DPYSL2: variants seen among roughly 807,000 people sequenced by gnomAD.
DPYSL2 encodes the protein dihydropyrimidinase like 2, also known as dihydropyrimidinase-related protein 2.
Under a neutral mutation model 69.9 loss-of-function variants are expected in DPYSL2, and 13 were observed. The observed-to-expected ratio is 0.19, with a 90% CI of 0.12 to 0.30. The LOEUF is 0.30. Ranked by LOEUF, DPYSL2 falls within the 10% of genes least tolerant of loss-of-function variation. DPYSL2 has a pLI of 1.00. For synonymous variants in DPYSL2, 326 were observed against 359.1 expected (o/e 0.91, Z 1.04); for missense variants, 587 against 918.9 (o/e 0.64, Z 4.67).
At chr8:26,634,449 TAATTGTA>T (rs1802852558) in intron 7 of DPYSL2, among the ~76,000 whole-genome samples, 7 of 145,988 alleles carry the variant, frequency 4.8e-5, no homozygotes, top group African/African-American at 1.0e-4. Flanking sequence ...TTTTTTTTTT[TAATTGTA>T]TTTGTAGTAG....
At chr8:26,561,750 A>G (rs1157729629) in intron 1 of DPYSL2, among the ~76,000 whole-genome samples, 1 of 152,168 alleles carries the variant, frequency 6.6e-6, no homozygotes, top group Non-Finnish European at 1.5e-5. Context: ...CGTAAAGAGC[A>G]TGCAACCTAT....
chr8:26,568,745 T>C (rs1801191525), intron 1 of DPYSL2, among the ~76,000 whole-genome samples: 1 of 94,644 alleles, frequency 1.1e-5, no homozygotes, highest in Non-Finnish European at 1.9e-5. Context: ...TCAGAGTTCA[T>C]AGTTACCCCT....
At chr8:26,625,993 A>G (rs1342282454) in intron 4 of DPYSL2, among the ~76,000 whole-genome samples, 3 of 152,120 alleles carry the variant, frequency 2.0e-5, no homozygotes, top group African/African-American at 7.2e-5. Flanking sequence ...CTAACTCTCC[A>G]CTGTCCTTCA....
intron 3 of DPYSL2, among the ~76,000 whole-genome samples, chr8:26,618,830 C>T (rs901836510): frequency 9.3e-5 from 14 of 151,086 alleles, no homozygotes; most frequent in Admixed American, 2.0e-4. Flanking sequence ...TGATGGCGCG[C>T]GCCTGTGATC....
chr8:26,631,769 G>C (rs972191883), intron 7 of DPYSL2, among the ~76,000 whole-genome samples: 12 of 152,064 alleles, frequency 7.9e-5, no homozygotes, highest in African/African-American at 2.7e-4. Flanking sequence ...AGGCGAGGAG[G>C]GGGGATGCAG....
chr8:26,612,230 C>A (rs1327019855), intron 3 of DPYSL2, among the ~76,000 whole-genome samples: 1 of 152,144 alleles, frequency 6.6e-6, no homozygotes, highest in Non-Finnish European at 1.5e-5. Flanking sequence ...GGGGTGACAT[C>A]CTGATGCATT....
At position 26,591,645 on chromosome 8, in the gene DPYSL2, TG is replaced by T. The variant is rs1429093564; in HGVS notation, c.628+7664del. The stretch of plus-strand genomic sequence containing the variant: ...ACCCTTTCTCATGTGAAACCTTGCG[TG>T]GAACCCCCTCCACCTGAGATATGAG... On this transcript the variant is annotated intron_variant, in intron 3 of 13. Coordinates refer to ENST00000521913, the MANE Select transcript of DPYSL2 (RefSeq NM_001197293.3). This position sits in a 1 kb window ranked among gnomAD's most constrained non-coding sequence, Gnocchi z 5.8. Among the ~76,000 whole-genome samples, 1 of 152,162 alleles carries T rather than the reference TG, an allele frequency of 6.6e-6. No homozygotes were observed. The highest frequency in any genetic ancestry group is 1.5e-5 in the Non-Finnish European group (1 of 68,014).
chr8:26,626,565 G>A lies in DPYSL2; in HGVS notation c.794-52G>A, dbSNP rs370029882. 36 of 1,530,998 alleles carry A rather than the reference G, an allele frequency of 2.4e-5. No individual in the cohort carries two copies. The highest frequency in any genetic ancestry group is 2.3e-5 in the East Asian group (1 of 44,376). 94.8% of individuals were successfully genotyped at this position (1,530,998 alleles called of 1,614,324 possible). Reference sequence around the variant, plus strand: ...ATTATCACTTTCTTATCCCTTATTTGGTTATTTGGTTTATCTATTAAAAGT... The same window carrying A: ...ATTATCACTTTCTTATCCCTTATTTAGTTATTTGGTTTATCTATTAAAAGT... On this transcript the variant is annotated intron_variant, in intron 4 of 13. Transcript: ENST00000521913. The surrounding 1 kb of genome is among the most constrained non-coding windows in gnomAD (Gnocchi z 4.3).
intron 1 of DPYSL2, among the ~76,000 whole-genome samples, chr8:26,573,658 G>C (rs1452096311): frequency 3.7e-4 from 34 of 91,328 alleles, no homozygotes; most frequent in Non-Finnish European, 6.7e-4. Context: ...AACAGAGCAA[G>C]ACTGTCTCAA....
intron 1 of DPYSL2, among the ~76,000 whole-genome samples, chr8:26,569,248 T>A (rs371543636): frequency 6.6e-6 from 1 of 150,454 alleles, no homozygotes; most frequent in African/African-American, 2.4e-5. Context: ...GTCCCAGTTA[T>A]GTGGGAGGCT....
chr8:26,593,894 T>C lies in DPYSL2; in HGVS notation c.628+9911T>C, dbSNP rs960703413. Among the ~76,000 whole-genome samples, 4 of 152,200 alleles carry C rather than the reference T, an allele frequency of 2.6e-5. No individual in the cohort carries two copies. The highest frequency in any genetic ancestry group is 9.7e-5 in the African/African-American group (4 of 41,450). On this transcript the variant is annotated intron_variant, in intron 3 of 13. Transcript: ENST00000521913. This position sits in a 1 kb window ranked among gnomAD's most constrained non-coding sequence, Gnocchi z 5.7. ...CTAATGATAGGTCAGGACTGGAATCTTTCCTTGTGGGGAGCCTGTGAGACA... is the reference window on the plus strand; with the variant it reads ...CTAATGATAGGTCAGGACTGGAATCCTTCCTTGTGGGGAGCCTGTGAGACA...
intron 1 of DPYSL2, among the ~76,000 whole-genome samples, chr8:26,532,011 T>G (rs1800517377): frequency 6.6e-6 from 1 of 152,100 alleles, no homozygotes; most frequent in Non-Finnish European, 1.5e-5. Flanking sequence ...TTGTGCCTTT[T>G]GAAGGTCTTT....
At chr8:26,577,966 C>T (rs1801395488) in intron 1 of DPYSL2, 6 of 1,286,854 alleles carry the variant, frequency 4.7e-6, no homozygotes, top group African/African-American at 4.6e-5. Context: ...TTATTTCCAC[C>T]CCCTTCCCTC....
rs1300310943 is a variant in DPYSL2, at chr8:26,598,191, AT to A, written c.628+14210del. Among the ~76,000 whole-genome samples, 1 of 152,082 alleles carries A rather than the reference AT, an allele frequency of 6.6e-6. No individual in the cohort carries two copies. Among genetic ancestry groups the A allele is most frequent in the African/African-American group, 2.4e-5 (1 of 41,404 alleles). On this transcript the variant is annotated intron_variant, in intron 3 of 13. Transcript: ENST00000521913. The surrounding 1 kb of genome is among the most constrained non-coding windows in gnomAD (Gnocchi z 4.2). ...GCTCCTGACCGTTGAAGCTTTTTAT[AT>A]TGACCCGTGGCTACTGTGGTATTCG...
At chr8:26,639,251 C>A (rs77058911) in intron 8 of DPYSL2, among the ~76,000 whole-genome samples, 2 of 152,018 alleles carry the variant, frequency 1.3e-5, no homozygotes, top group Non-Finnish European at 1.5e-5. Flanking sequence ...GGAGAGAGGA[C>A]AGTAGAGAAA....
intron 3 of DPYSL2, among the ~76,000 whole-genome samples, chr8:26,596,854 C>T (rs1428128828): frequency 6.6e-6 from 1 of 152,194 alleles, no homozygotes; most frequent in Non-Finnish European, 1.5e-5. Flanking sequence ...ACAGCCTGCT[C>T]ATGAAAGCTG....
Position 26,597,883 on chromosome 8 carries a change from T to C in DPYSL2, c.628+13900T>C, listed in dbSNP as rs894006768. 6.6e-6 allele frequency among the ~76,000 whole-genome samples: 1 copy of C among 150,764 alleles called. No homozygotes were observed. Among genetic ancestry groups the C allele is most frequent in the African/African-American group, 2.4e-5 (1 of 41,038 alleles). ...TTGTTTTTCTCCTTTATGGAGATAA[T>C]CCAGGGAGAAACATGAAGTGTAATG... On this transcript the variant is annotated intron_variant, in intron 3 of 13. Transcript: ENST00000521913. This position sits in a 1 kb window ranked among gnomAD's most constrained non-coding sequence, Gnocchi z 5.2.
intron 1 of DPYSL2, among the ~76,000 whole-genome samples, chr8:26,567,859 G>C (rs541368856): frequency 6.6e-6 from 1 of 152,210 alleles, no homozygotes; most frequent in African/African-American, 2.4e-5. Context: ...GTCTCTCCAG[G>C]CTCCAGTGTT....
chr8:26,569,155 C>T (rs1437064316), intron 1 of DPYSL2, among the ~76,000 whole-genome samples: 4 of 151,930 alleles, frequency 2.6e-5, no homozygotes, highest in African/African-American at 9.7e-5. Context: ...CCAAGAGTTC[C>T]AGACCAGCTT....
Sources: gnomAD v4.1 joint callset for allele counts (sites outside exome capture counted in the v4.1 genomes callset) on GRCh38, gnomAD v4.1.1 for gene constraint, Gnocchi (gnomAD v3.1) non-coding constraint, MANE v1.5 for transcripts, NCBI Gene and HGNC (gene_info 2026-07-23, HGNC 2026-07-21) for gene names.